The following TENM3 variants were observed in gnomAD, a reference collection of about 807,000 sequenced individuals.
TENM3 encodes the protein teneurin-3.
A neutral mutation model predicts 255.1 loss-of-function variants in TENM3; 63 were observed. That is an observed-to-expected ratio of 0.25 (90% CI 0.20 to 0.30). TENM3 has a LOEUF of 0.30. Ranked by LOEUF, TENM3 falls within the 10% of genes least tolerant of loss-of-function variation. TENM3 has a pLI of 1.00. For missense variants in TENM3, 2,929 were observed against 3,461.1 expected (o/e 0.85, Z 3.86); for synonymous variants, 1,306 against 1,322.3 (o/e 0.99, Z 0.27).
chr4:181,670,209 T>C, the TENM3 span, among the ~76,000 whole-genome samples: 1 of 152,162 alleles, frequency 6.6e-6, no homozygotes, highest in Non-Finnish European at 1.5e-5. Flanking sequence ...AACCACTAGG[T>C]AATATTTAAT....
At chr4:181,701,135 C>G in the TENM3 span, among the ~76,000 whole-genome samples, 5 of 152,116 alleles carry the variant, frequency 3.3e-5, no homozygotes, top group African/African-American at 4.8e-5. Flanking sequence ...ACTTAGTATT[C>G]TCGTTGACCT....
chr4:181,498,028 G>A, the TENM3 span, among the ~76,000 whole-genome samples: 1 of 152,092 alleles, frequency 6.6e-6, no homozygotes, highest in African/African-American at 2.4e-5. Context: ...TTTCAGTCAC[G>A]ACTTTTAGGG....
chr4:182,753,519 A>G lies in TENM3; in HGVS notation c.3932A>G (p.Asn1311Ser). The change falls in exon 21 of 28, where the codon AAT becomes AGT. Residue 1311 changes from asparagine to serine, a missense_variant. Coordinates refer to ENST00000511685, the MANE Select transcript of TENM3 (RefSeq NM_001080477.4). ...DGTMIRKVDQ[N>S]GIISTLLGSN... ...ACCATGATTAGGAAAGTTGACCAAA[A>G]TGGAATCATATCAACTCTTCTGGGC... 6.2e-7 allele frequency: 1 copy of G among 1,613,854 alleles called. No homozygotes were observed. Among genetic ancestry groups the G allele is most frequent in the Non-Finnish European group, 8.5e-7 (1 of 1,179,746 alleles).
the TENM3 span, among the ~76,000 whole-genome samples, chr4:181,797,870 C>T: frequency 1.3e-5 from 2 of 152,152 alleles, no homozygotes; most frequent in Non-Finnish European, 2.9e-5. Context: ...GAGGCGATAA[C>T]CCTACCTGTG....
the TENM3 span, among the ~76,000 whole-genome samples, chr4:181,563,003 C>T: frequency 1.4e-4 from 21 of 152,132 alleles, no homozygotes; most frequent in African/African-American, 5.1e-4. Context: ...GAGTTGCGTA[C>T]GATACTTTTG....
At chr4:182,516,716 C>T (rs1432246695) in intron 3 of TENM3, among the ~76,000 whole-genome samples, 3 of 152,088 alleles carry the variant, frequency 2.0e-5, no homozygotes, top group Admixed American at 6.5e-5. Flanking sequence ...CATGGTGAAA[C>T]CCCATCTCCT....
intron 3 of TENM3, among the ~76,000 whole-genome samples, chr4:182,433,471 G>A (rs1771811987): frequency 6.6e-6 from 1 of 152,172 alleles, no homozygotes; most frequent in South Asian, 2.1e-4. Flanking sequence ...ATGAAAGTCA[G>A]AGACAAAGAA....
At chr4:181,674,576 C>A in the TENM3 span, among the ~76,000 whole-genome samples, 4 of 152,118 alleles carry the variant, frequency 2.6e-5, no homozygotes. Context: ...CATGAAATTA[C>A]TTGAATATGC....
chr4:182,046,674 G>T, the TENM3 span, among the ~76,000 whole-genome samples: 23 of 152,080 alleles, frequency 1.5e-4, no homozygotes, highest in Non-Finnish European at 3.1e-4. Flanking sequence ...AGGCTGCAGT[G>T]AGCCATGATC....
At chr4:182,096,788 A>G in the TENM3 span, among the ~76,000 whole-genome samples, 2 of 152,172 alleles carry the variant, frequency 1.3e-5, no homozygotes, top group African/African-American at 4.8e-5. Flanking sequence ...GAACATGTTG[A>G]ACTGCACCAA....
chr4:181,715,802 G>C, the TENM3 span, among the ~76,000 whole-genome samples: 1 of 152,130 alleles, frequency 6.6e-6, no homozygotes, highest in South Asian at 2.1e-4. Context: ...GCGCTGGCTT[G>C]GCAAATGCTT....
chr4:181,619,210 G>A, the TENM3 span, among the ~76,000 whole-genome samples: 261 of 152,060 alleles, frequency 1.7e-3, 2 homozygotes, highest in Non-Finnish European at 1.8e-3. Context: ...CTTTTGCTGG[G>A]GACCACAAAG....
At chr4:181,972,888 A>C in the TENM3 span, among the ~76,000 whole-genome samples, 15 of 152,182 alleles carry the variant, frequency 9.9e-5, no homozygotes, top group Admixed American at 9.8e-4. Flanking sequence ...ATACACATTA[A>C]TTGATCACTT....
In TENM3 at chr4:182,421,714, A is replaced by G. The variant is rs1286102032; in HGVS notation, c.511+74785A>G. Among the ~76,000 whole-genome samples the G allele has an allele frequency of 4.6e-5, 7 of 152,342 alleles. No individual in the cohort carries two copies. The East Asian group carries it at 1.4e-3, about 29-fold the overall frequency. On this transcript the variant is annotated intron_variant, in intron 3 of 27. Coordinates refer to ENST00000511685, the MANE Select transcript of TENM3 (RefSeq NM_001080477.4). Reference sequence around the variant, plus strand: ...TTATATGTATTAAGGTTCTTTTAAAATAAAAGAAAATAAAATGAAAAGAGC... The same window carrying G: ...TTATATGTATTAAGGTTCTTTTAAAGTAAAAGAAAATAAAATGAAAAGAGC...
chr4:182,679,251 G>C lies in TENM3; in HGVS notation c.1327-415G>C, dbSNP rs114039412. 8.1e-3 allele frequency among the ~76,000 whole-genome samples: 1,232 copies of C among 152,208 alleles called. 17 individuals carry two copies. The highest frequency in any genetic ancestry group is 0.027 in the African/African-American group (1,133 of 41,532). ...TAGAATGATGGATACCAGAGGCCGG[G>C]AGGGCACTCAAAATACGTACGACTA... On this transcript the variant is annotated intron_variant, in intron 7 of 27. Coordinates refer to ENST00000511685, the MANE Select transcript of TENM3 (RefSeq NM_001080477.4).
chr4:182,177,467 C>T (rs916134620), intron 1 of TENM3, among the ~76,000 whole-genome samples: 1 of 151,984 alleles, frequency 6.6e-6, no homozygotes, highest in Admixed American at 6.6e-5. Flanking sequence ...GCCTGATGCT[C>T]CTGATTCACT....
At chr4:181,944,349 G>A in the TENM3 span, among the ~76,000 whole-genome samples, 14 of 149,104 alleles carry the variant, frequency 9.4e-5, no homozygotes, top group Admixed American at 2.7e-4. Flanking sequence ...CCCAGCTCCA[G>A]AAGAGAGAAT....
chr4:181,861,958 T>G, the TENM3 span, among the ~76,000 whole-genome samples: 1 of 152,122 alleles, frequency 6.6e-6, no homozygotes, highest in Non-Finnish European at 1.5e-5. Context: ...GCTTTGAGTC[T>G]CTATGAGAAA....
At chr4:181,505,669 A>G in the TENM3 span, among the ~76,000 whole-genome samples, 2 of 152,206 alleles carry the variant, frequency 1.3e-5, no homozygotes, top group African/African-American at 2.4e-5. Flanking sequence ...TACTCAGAAA[A>G]CTAAAAGAAC....
Sources: allele counts gnomAD v4.1 joint callset (sites outside exome capture counted in the v4.1 genomes callset), GRCh38; gene constraint gnomAD v4.1.1; transcripts MANE v1.5; gene names NCBI Gene and HGNC (gene_info 2026-07-23, HGNC 2026-07-21).